Variants in TFDP2 observed in about 807,000 individuals in gnomAD.
TFDP2 encodes transcription factor Dp-2 (E2F dimerization partner 2).
Under a neutral mutation model 59.3 loss-of-function variants are expected in TFDP2, and 17 were observed. That is an observed-to-expected ratio of 0.29 (90% CI 0.20 to 0.43). The LOEUF is 0.43. Ranked by LOEUF, TFDP2 falls within the 20% of genes least tolerant of loss-of-function variation. The probability of loss-of-function intolerance (pLI) is 1.00; values close to 1 mark genes in which losing one functional copy is unlikely to be tolerated. For missense variants in TFDP2, 391 were observed against 528.8 expected (o/e 0.74, Z 2.56); for synonymous variants, 180 against 194.7 (o/e 0.92, Z 0.63).
At chr3:142,065,387 C>T (rs1037222543) in intron 3 of TFDP2, among the ~76,000 whole-genome samples, 1 of 152,060 alleles carries the variant, frequency 6.6e-6, no homozygotes, top group African/African-American at 2.4e-5. Flanking sequence ...AAGTCCTGAG[C>T]TCCAGTGATC....
intron 3 of TFDP2, among the ~76,000 whole-genome samples, chr3:142,039,729 C>T (rs1946866123): frequency 6.6e-6 from 1 of 152,078 alleles, no homozygotes; most frequent in South Asian, 2.1e-4. Flanking sequence ...CCACCATAAG[C>T]CTAGCACTGA....
chr3:142,072,423 T>G (rs2060279527), intron 3 of TFDP2, among the ~76,000 whole-genome samples: 1 of 152,174 alleles, frequency 6.6e-6, no homozygotes, highest in Admixed American at 6.5e-5. Context: ...TAAGAAAATG[T>G]AGTATCACAG....
chr3:142,003,782 C>T (rs1944003345), intron 4 of TFDP2, among the ~76,000 whole-genome samples: 1 of 151,456 alleles, frequency 6.6e-6, no homozygotes, highest in African/African-American at 2.4e-5. Flanking sequence ...GAGTTAGTAG[C>T]ACACATCACT....
At chr3:142,104,201 T>C (rs2061403294) in intron 1 of TFDP2, among the ~76,000 whole-genome samples, 1 of 152,260 alleles carries the variant, frequency 6.6e-6, no homozygotes, top group Non-Finnish European at 1.5e-5. Context: ...AAAGTTCCTA[T>C]GCTATATCTG....
chr3:142,080,026 C>T (rs1042927199), intron 3 of TFDP2, among the ~76,000 whole-genome samples: 6 of 152,286 alleles, frequency 3.9e-5, no homozygotes, highest in African/African-American at 1.2e-4. Flanking sequence ...TGCAGTGGCA[C>T]GATCTCGGCT....
chr3:141,979,458 C>T (rs1941197218), intron 6 of TFDP2, among the ~76,000 whole-genome samples: 1 of 152,170 alleles, frequency 6.6e-6, no homozygotes, highest in Admixed American at 6.5e-5. Context: ...CAGAAGAACG[C>T]ATTGTTATCA....
rs765981846 is a variant in TFDP2, at chr3:141,978,577, G to A, written c.462C>T (p.Val154=). Residue 154 remains valine (V), a synonymous_variant, in exon 7 of 13, where the codon GTC becomes GTT. Coordinates refer to ENST00000489671, the MANE Select transcript of TFDP2 (RefSeq NM_001178139.2). The part of the protein sequence containing the change: ...QRKGTTSYNE[V]ADELVSEFTN... ...TGAACTCTGACACCAGCTCATCAGC[G>A]ACTTCATTGTACGATGTTGTACCTT... 8 of 1,613,274 alleles carry A rather than the reference G, an allele frequency of 5.0e-6. No individual in the cohort carries two copies. The highest frequency in any genetic ancestry group is 2.2e-5 in the South Asian group (2 of 90,932).
At chr3:142,041,075 A>G (rs1207417482) in intron 3 of TFDP2, among the ~76,000 whole-genome samples, 1 of 152,186 alleles carries the variant, frequency 6.6e-6, no homozygotes, top group African/African-American at 2.4e-5. Flanking sequence ...GCTTACAATG[A>G]GTTCTGTCAA....
At chr3:142,066,618 A>G (rs1193000724) in intron 3 of TFDP2, among the ~76,000 whole-genome samples, 2 of 152,202 alleles carry the variant, frequency 1.3e-5, no homozygotes, top group Non-Finnish European at 2.9e-5. Flanking sequence ...GCACCATCAT[A>G]AAGTCAAAAA....
intron 11 of TFDP2, 117 bp from the exon 12 acceptor site, chr3:141,953,133 G>C (rs1936124114): frequency 4.7e-6 from 3 of 635,762 alleles, no homozygotes; most frequent in South Asian, 2.6e-5. Flanking sequence ...ATGACAGCTA[G>C]ACAATTCTCT....
Position 142,005,560 on chromosome 3 carries a change from A to G in TFDP2, c.83-16T>C. ...GAAATGTTGCCTGAAATGATATCAAAACATTAAGTTAGTATTCTGCCATAC... is the reference window on the plus strand; with the variant it reads ...GAAATGTTGCCTGAAATGATATCAAGACATTAAGTTAGTATTCTGCCATAC... On this transcript the variant is annotated splice_polypyrimidine_tract_variant and intron_variant, in intron 3 of 12. Coordinates refer to ENST00000489671, the MANE Select transcript of TFDP2 (RefSeq NM_001178139.2). 1 of 1,557,300 alleles carries G rather than the reference A, an allele frequency of 6.4e-7. No individual in the cohort carries two copies. Among genetic ancestry groups the G allele is most frequent in the Non-Finnish European group, 8.7e-7 (1 of 1,143,752 alleles).
At chr3:142,086,628 C>T (rs2060818280) in intron 3 of TFDP2, among the ~76,000 whole-genome samples, 1 of 152,062 alleles carries the variant, frequency 6.6e-6, no homozygotes, top group South Asian at 2.1e-4. Context: ...GCTTCTGTCC[C>T]CAGAGTTGGG....
chr3:142,143,865 T>C (rs962535131), intron 1 of TFDP2, among the ~76,000 whole-genome samples: 3 of 152,042 alleles, frequency 2.0e-5, no homozygotes, highest in African/African-American at 7.3e-5. Context: ...ACACTAAAAA[T>C]TGAGCTACCA....
chr3:142,010,820 C>T (rs1944611695), intron 3 of TFDP2, among the ~76,000 whole-genome samples: 1 of 136,326 alleles, frequency 7.3e-6, no homozygotes, highest in African/African-American at 2.8e-5. Context: ...ATTTATGCAG[C>T]CAAAAAACAC....
At chr3:142,039,068 A>G (rs1946832176) in intron 3 of TFDP2, among the ~76,000 whole-genome samples, 1 of 152,160 alleles carries the variant, frequency 6.6e-6, no homozygotes, top group Non-Finnish European at 1.5e-5. Context: ...GAGTTCCCAT[A>G]TTCTCTACAA....
chr3:141,975,690 TC>T (rs1940529590), intron 7 of TFDP2, among the ~76,000 whole-genome samples: 3 of 109,786 alleles, frequency 2.7e-5, no homozygotes, highest in African/African-American at 1.2e-4. Flanking sequence ...CTAGACTCTG[TC>T]TCAAAAAAAA....
At chr3:142,115,474 G>C (rs952589210) in intron 1 of TFDP2, among the ~76,000 whole-genome samples, 1 of 151,982 alleles carries the variant, frequency 6.6e-6, no homozygotes, top group African/African-American at 2.4e-5. Context: ...GCCCACGACT[G>C]CACCTGGCTA....
chr3:142,009,847 G>A (rs1445007420), intron 3 of TFDP2, among the ~76,000 whole-genome samples: 1 of 151,840 alleles, frequency 6.6e-6, no homozygotes, highest in East Asian at 1.9e-4. Context: ...GTTGAGACAA[G>A]AGACTATCCA....
At chr3:142,148,018 G>C (rs930904959) in intron 1 of TFDP2, among the ~76,000 whole-genome samples, 1 of 148,750 alleles carries the variant, frequency 6.7e-6, no homozygotes, top group African/African-American at 2.5e-5. Flanking sequence ...ATGCCATATA[G>C]AAAATAGATG....
Sources: gnomAD v4.1 joint callset for allele counts (sites outside exome capture counted in the v4.1 genomes callset) on GRCh38, gnomAD v4.1.1 for gene constraint, MANE v1.5 for transcripts, NCBI Gene and HGNC (gene_info 2026-07-23, HGNC 2026-07-21) for gene names.